PC: variants seen among roughly 807,000 people sequenced by gnomAD.
The protein encoded by PC is pyruvate carboxylase, mitochondrial.
A neutral mutation model predicts 107.8 loss-of-function variants in PC; 46 were observed. The observed-to-expected ratio is 0.43, with a 90% CI of 0.34 to 0.55. PC has a LOEUF of 0.55. PC is among the 20% of genes least tolerant of loss of function. PC has a pLI of 0.04. For missense variants in PC, 1,241 were observed against 1,643.1 expected, an observed-to-expected ratio of 0.76 and a Z score of 4.23; for synonymous variants, 662 against 684.7, an observed-to-expected ratio of 0.97 and a Z score of 0.52.
intron 9 of PC, among the ~76,000 whole-genome samples, chr11:66,869,910 A>C (rs1316973394): frequency 1.3e-5 from 2 of 152,234 alleles, no homozygotes; most frequent in Admixed American, 1.3e-4. Context: ...TAGGAGACAG[A>C]AGCACATGAG....
At chr11:66,883,766 A>G (rs1425821339) in intron 3 of PC, among the ~76,000 whole-genome samples, 1 of 152,106 alleles carries the variant, frequency 6.6e-6, no homozygotes, top group Admixed American at 6.5e-5. Context: ...TCAGGTCACA[A>G]TGAGGTTGCA....
intron 3 of PC, among the ~76,000 whole-genome samples, chr11:66,879,023 G>A (rs1373414523): frequency 1.3e-5 from 2 of 152,176 alleles, no homozygotes; most frequent in Non-Finnish European, 2.9e-5. Context: ...CAGCTAAAGC[G>A]CCATGCCTGG....
chr11:66,949,439 T>G (rs1949387072), intron 3 of PC, among the ~76,000 whole-genome samples: 1 of 151,846 alleles, frequency 6.6e-6, no homozygotes, highest in Non-Finnish European at 1.5e-5. Flanking sequence ...CTCACGCCTG[T>G]AATCCCAGCA....
chr11:66,850,450 G>A lies in PC; in HGVS notation c.2488C>T (p.Arg830Cys), dbSNP rs141730205. 6 of 1,613,868 alleles carry A rather than the reference G, an allele frequency of 3.7e-6. No homozygotes were observed. Among genetic ancestry groups the A allele is most frequent in the East Asian group, 4.5e-5 (2 of 44,878 alleles). Reference protein sequence around the residue: ...TPLDTEVPMERVFDYSEYWEG... With the variant: ...TPLDTEVPMECVFDYSEYWEG... Reference sequence around the variant, plus strand: ...CAGTACTCACTGTAGTCAAACACGCGCTCCATGGGCACCTCTGCAGGGAGG... The same window carrying A: ...CAGTACTCACTGTAGTCAAACACGCACTCCATGGGCACCTCTGCAGGGAGG... Residue 830 changes from arginine to cysteine, a missense_variant, in exon 19 of 23, where the codon CGC (arginine) becomes TGC (cysteine). Arg to Cys is a radical substitution (Grantham distance 180, BLOSUM62 -3). This residue lies in a region of PC where 1,143 missense variants were observed against 1,551.9 expected (regional missense o/e 0.74). Coordinates refer to ENST00000393960, the MANE Select transcript of PC (RefSeq NM_001040716.2).
At chr11:66,913,326 T>C (rs1948385774) in intron 3 of PC, among the ~76,000 whole-genome samples, 1 of 151,676 alleles carries the variant, frequency 6.6e-6, no homozygotes, top group African/African-American at 2.4e-5. Context: ...TATAAAAACT[T>C]GAGTCACTCA....
chr11:66,950,248 G>A (rs189184655), intron 3 of PC, among the ~76,000 whole-genome samples: 115 of 152,212 alleles, frequency 7.6e-4, no homozygotes, highest in African/African-American at 2.3e-3. Flanking sequence ...TGGCCAGGTC[G>A]TGGAATTTTC....
At position 66,864,519 on chromosome 11, in the gene PC, T is replaced by G. The variant is rs79894903; in HGVS notation, c.1186-563A>C. On this transcript the variant is annotated intron_variant, in intron 11 of 22. Transcript: ENST00000393960. The stretch of plus-strand genomic sequence containing the variant: ...CAGGGTGGTGGGGAAGGCCTCAACA[T>G]CCACCCATGCTCCCTTCCTTTCCTT... Among the ~76,000 whole-genome samples the G allele has an allele frequency of 2.2e-3, 340 of 152,254 alleles. 10 individuals carry two copies. The East Asian group carries it at 0.041, about 18-fold the overall frequency.
intron 3 of PC, among the ~76,000 whole-genome samples, chr11:66,896,296 C>G (rs1947756716): frequency 6.6e-6 from 1 of 152,172 alleles, no homozygotes; most frequent in Non-Finnish European, 1.5e-5. Context: ...CCAAGATGGT[C>G]TTGAACTCCT....
intron 3 of PC, among the ~76,000 whole-genome samples, chr11:66,905,617 C>G (rs1315048643): frequency 6.6e-6 from 1 of 152,136 alleles, no homozygotes; most frequent in Non-Finnish European, 1.5e-5. Flanking sequence ...ATTAATAATC[C>G]TTGACATCAA....
In PC at chr11:66,896,081, T is replaced by TC. The variant is rs1591245152; in HGVS notation, c.1-23923dup. 2.0e-5 allele frequency among the ~76,000 whole-genome samples: 3 copies of TC among 152,198 alleles called. No homozygotes were observed. The East Asian group carries it at 5.8e-4, about 29-fold the overall frequency. On this transcript the variant is annotated intron_variant, in intron 3 of 22. Coordinates refer to ENST00000393960, the MANE Select transcript of PC (RefSeq NM_001040716.2). ...AAAAATTGTTTCCAACCTGAAATTCTCTTTTTTTTTTCTTTCCGGAGACAG... is the reference window on the plus strand; with the variant it reads ...AAAAATTGTTTCCAACCTGAAATTCTCCTTTTTTTTTTCTTTCCGGAGACAG...
chr11:66,875,044 G>A (rs1033657825), intron 3 of PC, among the ~76,000 whole-genome samples: 5 of 152,232 alleles, frequency 3.3e-5, no homozygotes, highest in Non-Finnish European at 5.9e-5. Context: ...ACGGCCTGAG[G>A]TGGGGCTGCA....
intron 3 of PC, among the ~76,000 whole-genome samples, chr11:66,931,218 A>C (rs1264550879): frequency 2.0e-5 from 3 of 151,896 alleles, no homozygotes; most frequent in Non-Finnish European, 4.4e-5. Flanking sequence ...GTCTCTACTA[A>C]AAATACAAAA....
rs1949408894 is a variant in PC, at chr11:66,950,406, CAT to C, written c.-1+2022_-1+2023del. ...CCCACCTCTTTCTCTGGCCTCGAGG[CAT>C]ATCAGGACAAGGAGGTAACACAAGA... On this transcript the variant is annotated intron_variant, in intron 3 of 22. Coordinates refer to ENST00000393960, the MANE Select transcript of PC (RefSeq NM_001040716.2). 2.0e-5 allele frequency among the ~76,000 whole-genome samples: 3 copies of C among 152,174 alleles called. 1 individual carries two copies. In the South Asian group the frequency reaches 6.2e-4, roughly 31 times the overall value.
intron 3 of PC, among the ~76,000 whole-genome samples, chr11:66,946,313 G>T (rs1311610785): frequency 1.3e-5 from 2 of 151,930 alleles, no homozygotes; most frequent in Non-Finnish European, 2.9e-5. Flanking sequence ...TGGCAACACA[G>T]TGAAATCCCA....
intron 11 of PC, among the ~76,000 whole-genome samples, chr11:66,864,610 T>G (rs1946414061): frequency 6.6e-6 from 1 of 150,400 alleles, no homozygotes; most frequent in Non-Finnish European, 1.5e-5. Context: ...GGAGAGGAAA[T>G]GAAGGGAAAG....
At chr11:66,946,777 A>C (rs1949307058) in intron 3 of PC, among the ~76,000 whole-genome samples, 2 of 152,128 alleles carry the variant, frequency 1.3e-5, no homozygotes, top group Non-Finnish European at 2.9e-5. Flanking sequence ...GCACAGAGCA[A>C]GACCCTGTCT....
At chr11:66,873,473 TATAATATATA>T (rs1946839009) in intron 3 of PC, among the ~76,000 whole-genome samples, 3 of 74,298 alleles carry the variant, frequency 4.0e-5, no homozygotes, top group African/African-American at 1.0e-4. Flanking sequence ...TTATATATAA[TATAATATATA>T]ATATTATATA....
At chr11:66,849,444 A>G in intron 21 of PC, 74 bp from the exon 22 acceptor site, 2 of 1,607,234 alleles carry the variant, frequency 1.2e-6, no homozygotes, top group South Asian at 2.2e-5. Flanking sequence ...GGCCATAGGA[A>G]GTCCCCACAC....
chr11:66,916,664 G>A (rs776329802), intron 3 of PC, among the ~76,000 whole-genome samples: 4 of 152,124 alleles, frequency 2.6e-5, no homozygotes, highest in Non-Finnish European at 4.4e-5. Flanking sequence ...AAAGATTTGG[G>A]AGCAGAAAGG....
Sources: gnomAD v4.1 joint callset for allele counts (sites outside exome capture counted in the v4.1 genomes callset) on GRCh38, gnomAD v4.1.1 for gene constraint, gnomAD v4.1.1 regional missense constraint, MANE v1.5 for transcripts, NCBI Gene and HGNC (gene_info 2026-07-23, HGNC 2026-07-21) for gene names.